The following RIT2 variants were observed in gnomAD, a reference collection of about 807,000 sequenced individuals.
The protein encoded by RIT2 is GTP-binding protein Rit2.
Under a neutral mutation model 23.7 loss-of-function variants are expected in RIT2, and 24 were observed. The ratio of observed to expected loss-of-function variants is 1.01; its 90% CI spans 0.73 to 1.43. The LOEUF (loss-of-function observed/expected upper bound fraction) is 1.43. RIT2 is among the 40% of genes most tolerant of loss of function. The pLI, the probability that RIT2 is intolerant of heterozygous loss-of-function variation, is 0.00. For missense variants in RIT2, 236 were observed against 266.9 expected (o/e 0.88, Z 0.81); for synonymous variants, 107 against 91.1 (o/e 1.17, Z -0.99).
chr18:42,786,343 C>T (rs1003255630), intron 4 of RIT2, among the ~76,000 whole-genome samples: 2 of 152,012 alleles, frequency 1.3e-5, no homozygotes, highest in African/African-American at 2.4e-5. Context: ...CTTATTTACT[C>T]GAGGCATTTA....
chr18:42,991,776 C>T (rs1910855329), intron 2 of RIT2, among the ~76,000 whole-genome samples: 1 of 152,026 alleles, frequency 6.6e-6, no homozygotes, highest in Non-Finnish European at 1.5e-5. Context: ...TCCTGCCTGC[C>T]AGAGAACAAC....
At chr18:42,761,814 A>G (rs1027466122) in intron 4 of RIT2, among the ~76,000 whole-genome samples, 1 of 152,154 alleles carries the variant, frequency 6.6e-6, no homozygotes, top group East Asian at 1.9e-4. Context: ...AGAAGCTGGG[A>G]TTACAGGAAT....
intron 4 of RIT2, among the ~76,000 whole-genome samples, chr18:42,761,829 C>A (rs1004445440): frequency 6.6e-5 from 10 of 152,166 alleles, no homozygotes; most frequent in African/African-American, 2.4e-4. Context: ...AGGAATGCAC[C>A]TTCTTGCCCA....
At position 43,098,627 on chromosome 18, in the gene RIT2, C is replaced by T. The variant is rs139605413; in HGVS notation, c.103+16790G>A. On this transcript the variant is annotated intron_variant, in intron 1 of 4. Transcript: ENST00000326695. ...CAATAACAATAGCAACAATAACAAC[C>T]ACGACAACAATAACTAGTGCTTATG... is the stretch of plus-strand genomic sequence containing the variant. Among the ~76,000 whole-genome samples the T allele has an allele frequency of 9.5e-4, 144 of 151,950 alleles. 1 individual carries two copies. The Middle Eastern group carries it at 0.01, about 11-fold the overall frequency.
intron 3 of RIT2, among the ~76,000 whole-genome samples, chr18:42,946,300 T>C (rs1243599118): frequency 6.6e-6 from 1 of 152,054 alleles, no homozygotes; most frequent in East Asian, 1.9e-4. Flanking sequence ...TTGATAGTGA[T>C]AATGCTGTTC....
chr18:42,858,440 C>T (rs1277056341), intron 4 of RIT2, among the ~76,000 whole-genome samples: 1 of 152,030 alleles, frequency 6.6e-6, no homozygotes, highest in Non-Finnish European at 1.5e-5. Flanking sequence ...GGCACAAGAA[C>T]GGGAGAGGAG....
At chr18:43,072,996 G>A (rs528026463) in intron 1 of RIT2, among the ~76,000 whole-genome samples, 9 of 152,028 alleles carry the variant, frequency 5.9e-5, no homozygotes, top group African/African-American at 1.2e-4. Context: ...TACCCTTTCC[G>A]TATGTTTCAA....
At chr18:42,843,110 A>T (rs1346538406) in intron 4 of RIT2, among the ~76,000 whole-genome samples, 1 of 152,196 alleles carries the variant, frequency 6.6e-6, no homozygotes, top group Non-Finnish European at 1.5e-5. Context: ...AGTCTTTATA[A>T]TTAAATAGCC....
chr18:42,802,589 T>A (rs932352440), intron 4 of RIT2, among the ~76,000 whole-genome samples: 48 of 152,220 alleles, frequency 3.2e-4, no homozygotes, highest in Admixed American at 3.1e-3. Context: ...TTAAAAAGAA[T>A]AATGGCTAAA....
intron 2 of RIT2, among the ~76,000 whole-genome samples, chr18:42,993,388 T>C (rs1300393270): frequency 2.6e-5 from 4 of 152,066 alleles, no homozygotes; most frequent in Non-Finnish European, 5.9e-5. Flanking sequence ...CCCTAAACCA[T>C]CATGGACACC....
chr18:43,077,102 C>CAAAAAAAAAA (rs34419558), intron 1 of RIT2, among the ~76,000 whole-genome samples: 6 of 80,236 alleles, frequency 7.5e-5, no homozygotes, highest in East Asian at 4.6e-4. Context: ...GACTCCGTCT[C>CAAAAAAAAAA]AAAAAAAAAA....
intron 4 of RIT2, among the ~76,000 whole-genome samples, chr18:42,823,863 C>G (rs955079403): frequency 6.6e-6 from 1 of 152,094 alleles, no homozygotes; most frequent in Non-Finnish European, 1.5e-5. Flanking sequence ...AGCTCATGCT[C>G]TCCCTATCAT....
At position 42,743,581 on chromosome 18, in the gene RIT2, G is replaced by T; in HGVS notation, c.566C>A (p.Ser189Tyr). ...TCTCTTCAGTTTCTTTTCCATCAAG[G>T]ATGGCATGGACTCCTTCTTGCGAAT... The part of the protein sequence containing the change: ...REIRKKESMP[S>Y]LMEKKLKRKD... The change falls in exon 5 of 5, where the codon TCC becomes TAC. Residue 189 changes from serine (S) to tyrosine (Y), a missense_variant. Transcript: ENST00000326695. 6.2e-7 allele frequency: 1 copy of T among 1,613,898 alleles called. No individual in the cohort carries two copies. Among genetic ancestry groups the T allele is most frequent in the Non-Finnish European group, 8.5e-7 (1 of 1,179,982 alleles).
chr18:42,982,328 C>T (rs2144215327), intron 2 of RIT2, among the ~76,000 whole-genome samples: 1 of 152,260 alleles, frequency 6.6e-6, no homozygotes, highest in Admixed American at 6.5e-5. Context: ...GGCCCCCAGT[C>T]AATTGGATGG....
At chr18:42,934,794 C>T (rs1909411495) in intron 3 of RIT2, among the ~76,000 whole-genome samples, 1 of 152,072 alleles carries the variant, frequency 6.6e-6, no homozygotes. Flanking sequence ...CTTTCTATTG[C>T]AGCAATATTT....
At chr18:42,847,531 T>C (rs529540540) in intron 4 of RIT2, among the ~76,000 whole-genome samples, 176 of 152,280 alleles carry the variant, frequency 1.2e-3, no homozygotes, top group Non-Finnish European at 2.0e-3. Flanking sequence ...TTGTAGGTAG[T>C]GCATTTAATA....
chr18:42,759,216 C>T (rs1468688970), intron 4 of RIT2, among the ~76,000 whole-genome samples: 1 of 152,156 alleles, frequency 6.6e-6, no homozygotes, highest in East Asian at 1.9e-4. Context: ...TCTTCCACAT[C>T]TCTGTTAATG....
intron 4 of RIT2, among the ~76,000 whole-genome samples, chr18:42,896,896 G>T (rs1908345661): frequency 6.6e-6 from 1 of 152,212 alleles, no homozygotes; most frequent in Non-Finnish European, 1.5e-5. Flanking sequence ...TTTGTGACCT[G>T]AGGAAGTTCA....
intron 2 of RIT2, among the ~76,000 whole-genome samples, chr18:43,004,549 T>C (rs1020942796): frequency 2.0e-5 from 3 of 151,876 alleles, no homozygotes; most frequent in African/African-American, 7.2e-5. Context: ...AGGCCTCAAA[T>C]GCCTCCAGTG....
Sources: gnomAD v4.1 joint callset for allele counts (sites outside exome capture counted in the v4.1 genomes callset) on GRCh38, gnomAD v4.1.1 for gene constraint, MANE v1.5 for transcripts, NCBI Gene and HGNC (gene_info 2026-07-23, HGNC 2026-07-21) for gene names.